CAMK1D: variants seen among roughly 807,000 people sequenced by gnomAD.
CAMK1D encodes the protein calcium/calmodulin-dependent protein kinase type 1D.
In CAMK1D, 9 loss-of-function variants were observed where a neutral mutation model predicts 47.7. That is an observed-to-expected ratio of 0.19 (90% CI 0.11 to 0.33). The LOEUF (loss-of-function observed/expected upper bound fraction) is 0.33. Ranked by LOEUF, CAMK1D falls within the 10% of genes least tolerant of loss-of-function variation. The pLI is 1.00. For missense variants in CAMK1D, 291 were observed against 488.7 expected (o/e 0.60, Z 3.81); for synonymous variants, 184 against 184.9 (o/e 0.99, Z 0.04).
chr10:12,752,051 G>A (rs925602882), intron 3 of CAMK1D, among the ~76,000 whole-genome samples: 2 of 150,852 alleles, frequency 1.3e-5, no homozygotes, highest in African/African-American at 4.9e-5. Context: ...GCGCAATCTC[G>A]GCTCACCACA....
chr10:12,388,592 A>G (rs1838606547), intron 1 of CAMK1D, among the ~76,000 whole-genome samples: 1 of 152,198 alleles, frequency 6.6e-6, no homozygotes, highest in African/African-American at 2.4e-5. Context: ...GCACAAGAAA[A>G]CATACCTGTC....
intron 1 of CAMK1D, among the ~76,000 whole-genome samples, chr10:12,523,563 C>T (rs12770014): frequency 0.51 from 76,659 of 150,556 alleles, 19,769 homozygotes; most frequent in South Asian, 0.62. Flanking sequence ...GCCAACACAG[C>T]GAAACCCCGT....
chr10:12,568,964 T>TG (rs1837231078), intron 2 of CAMK1D, among the ~76,000 whole-genome samples: 1 of 152,064 alleles, frequency 6.6e-6, no homozygotes, highest in Admixed American at 6.6e-5. Context: ...CGATTTAGAG[T>TG]GGGAAAGTTT....
At chr10:12,359,504 T>TC (rs1170143559) in intron 1 of CAMK1D, among the ~76,000 whole-genome samples, 3 of 149,434 alleles carry the variant, frequency 2.0e-5, no homozygotes, top group African/African-American at 7.4e-5. Flanking sequence ...GGCTCAGCCC[T>TC]CCCCCTGGGT....
At chr10:12,509,281 G>A (rs1294515322) in intron 1 of CAMK1D, among the ~76,000 whole-genome samples, 1 of 152,196 alleles carries the variant, frequency 6.6e-6, no homozygotes, top group African/African-American at 2.4e-5. Flanking sequence ...ATGGAACCCA[G>A]CTCTTGTTTG....
intron 2 of CAMK1D, among the ~76,000 whole-genome samples, chr10:12,621,563 G>T (rs1322013966): frequency 6.6e-6 from 1 of 151,234 alleles, no homozygotes; most frequent in Non-Finnish European, 1.5e-5. Context: ...ATAAATGTTT[G>T]CTTAGATTTA....
At chr10:12,408,149 C>T (rs1470433883) in intron 1 of CAMK1D, among the ~76,000 whole-genome samples, 6 of 151,674 alleles carry the variant, frequency 4.0e-5, no homozygotes, top group Non-Finnish European at 7.4e-5. Context: ...TAAGCCACCG[C>T]GCCTGGCCTC....
chr10:12,779,904 T>C (rs887544718), intron 5 of CAMK1D, among the ~76,000 whole-genome samples: 38 of 152,230 alleles, frequency 2.5e-4, no homozygotes, highest in African/African-American at 7.7e-4. Context: ...CTTGATGCTT[T>C]AGATGGTGGC....
intron 1 of CAMK1D, among the ~76,000 whole-genome samples, chr10:12,450,033 G>A (rs1044799239): frequency 2.0e-5 from 3 of 149,442 alleles, no homozygotes; most frequent in Non-Finnish European, 4.5e-5. Context: ...AAAGTAAATT[G>A]GAGACATCTT....
chr10:12,545,741 A>G (rs1278312794), intron 1 of CAMK1D, among the ~76,000 whole-genome samples: 2 of 151,152 alleles, frequency 1.3e-5, no homozygotes, highest in Non-Finnish European at 2.9e-5. Context: ...CGGAGGTTGC[A>G]GTGAGCCACG....
At chr10:12,581,836 G>A (rs753901720) in intron 2 of CAMK1D, among the ~76,000 whole-genome samples, 2 of 152,184 alleles carry the variant, frequency 1.3e-5, no homozygotes, top group Non-Finnish European at 2.9e-5. Context: ...CACTCTGAGG[G>A]TTGTCTGTTT....
chr10:12,535,573 C>A (rs1348799279), intron 1 of CAMK1D, among the ~76,000 whole-genome samples: 1 of 152,148 alleles, frequency 6.6e-6, no homozygotes, highest in African/African-American at 2.4e-5. Flanking sequence ...ATTCCTAGGA[C>A]CCCTGGGCCT....
chr10:12,572,794 T>A (rs867908782), intron 2 of CAMK1D, among the ~76,000 whole-genome samples: 3 of 152,154 alleles, frequency 2.0e-5, no homozygotes, highest in Middle Eastern at 3.2e-3. Context: ...CATGCACGAC[T>A]AATTTTAAAA....
At chr10:12,815,053 C>T (rs115462986) in intron 7 of CAMK1D, among the ~76,000 whole-genome samples, 74 of 152,264 alleles carry the variant, frequency 4.9e-4, no homozygotes, top group African/African-American at 8.9e-4. Flanking sequence ...GCCTGTCAGG[C>T]GGGTATTAAC....
chr10:12,391,482 A>G (rs1035501864), intron 1 of CAMK1D, among the ~76,000 whole-genome samples: 4 of 151,820 alleles, frequency 2.6e-5, no homozygotes, highest in South Asian at 4.2e-4. Flanking sequence ...TCTTTTGCCA[A>G]TTTTCCAGAT....
At chr10:12,766,121 ACGCC>A (rs1253307168) in intron 4 of CAMK1D, among the ~76,000 whole-genome samples, 3 of 151,596 alleles carry the variant, frequency 2.0e-5, no homozygotes, top group African/African-American at 7.3e-5. Flanking sequence ...ATGTGCCACC[ACGCC>A]CGGCTAGTTT....
rs141751326 is a variant in CAMK1D at position 12,831,437 on chromosome 10, C to T, written c.*2550C>T. 1 of 152,208 alleles carries T rather than the reference C, an allele frequency of 6.6e-6. No homozygotes were observed. Among genetic ancestry groups the T allele is most frequent in the Admixed American group, 6.5e-5 (1 of 15,280 alleles). The allele number at this position is 152,208 out of a possible 1,614,324, so 9.4% of individuals were successfully genotyped here. On this transcript the variant is annotated 3_prime_UTR_variant, in exon 11 of 11. Coordinates refer to ENST00000619168, the MANE Select transcript of CAMK1D (RefSeq NM_153498.4). ...CTTTGTGCTGTGTGCTATATACAAC[C>T]ATTTGCATTCAGAAAGCAGCATTTG...
chr10:12,464,433 T>G (rs1272834615), intron 1 of CAMK1D, among the ~76,000 whole-genome samples: 2 of 152,304 alleles, frequency 1.3e-5, no homozygotes, highest in African/African-American at 4.8e-5. Context: ...GGTGTACCAT[T>G]TGATCGTGTG....
intron 4 of CAMK1D, among the ~76,000 whole-genome samples, chr10:12,763,354 C>T (rs533492498): frequency 2.6e-5 from 4 of 152,334 alleles, no homozygotes; most frequent in South Asian, 4.1e-4. Context: ...GTGCAGCAAT[C>T]GGAATACTGC....
Sources: allele counts gnomAD v4.1 joint callset (sites outside exome capture counted in the v4.1 genomes callset), GRCh38; gene constraint gnomAD v4.1.1; transcripts MANE v1.5; gene names NCBI Gene and HGNC (gene_info 2026-07-23, HGNC 2026-07-21).